Variants in SOX5 observed in about 807,000 individuals in gnomAD.
The protein encoded by SOX5 is transcription factor SOX-5.
SOX5 carries 9 observed loss-of-function variants against 92.0 expected under a neutral mutation model. The observed-to-expected ratio is 0.10, with a 90% confidence interval of 0.06 to 0.17. The LOEUF (loss-of-function observed/expected upper bound fraction) is 0.17. Ranked by LOEUF, SOX5 falls within the 10% of genes least tolerant of loss-of-function variation. The probability of loss-of-function intolerance (pLI) is 1.00; values close to 1 mark genes in which losing one functional copy is unlikely to be tolerated. For missense variants in SOX5, 642 were observed against 944.5 expected, an observed-to-expected ratio of 0.68 and a Z score of 4.20; for synonymous variants, 344 against 336.3, an observed-to-expected ratio of 1.02 and a Z score of -0.25.
At chr12:24,098,171 C>T (rs542804124) in intron 4 of SOX5, among the ~76,000 whole-genome samples, 2 of 152,164 alleles carry the variant, frequency 1.3e-5, no homozygotes, top group South Asian at 2.1e-4. Context: ...ATTGTGAGTA[C>T]TTTATTGCTA....
chr12:24,305,609 T>C (rs1451608401), intron 2 of SOX5, among the ~76,000 whole-genome samples: 4 of 152,194 alleles, frequency 2.6e-5, no homozygotes, highest in Non-Finnish European at 5.9e-5. Flanking sequence ...GTGTGTGGTT[T>C]TTTTTGGAGA....
intron 1 of SOX5, among the ~76,000 whole-genome samples, chr12:24,533,962 T>C (rs1264168289): frequency 6.6e-6 from 1 of 152,300 alleles, no homozygotes; most frequent in East Asian, 1.9e-4. Flanking sequence ...AATGAGTCCA[T>C]TGACATCCTA....
At chr12:23,929,604 A>C (rs540108089) in intron 1 of SOX5, among the ~76,000 whole-genome samples, 3 of 152,076 alleles carry the variant, frequency 2.0e-5, no homozygotes, top group Non-Finnish European at 2.9e-5. Context: ...AAACAACAAC[A>C]ACCTTTCTAA....
intron 8 of SOX5, among the ~76,000 whole-genome samples, chr12:23,618,257 G>C (rs1008374737): frequency 2.6e-5 from 4 of 152,096 alleles, no homozygotes; most frequent in African/African-American, 9.7e-5. Flanking sequence ...TGTTCATCAG[G>C]AGAAAAATTT....
intron 4 of SOX5, among the ~76,000 whole-genome samples, chr12:24,076,095 C>T (rs891749720): frequency 6.6e-6 from 1 of 152,082 alleles, no homozygotes; most frequent in Non-Finnish European, 1.5e-5. Context: ...TGTTTTTTGT[C>T]GTTGGTTTCT....
At chr12:23,738,552 A>G (rs2093685547) in intron 5 of SOX5, 1 of 152,174 alleles carries the variant, frequency 6.6e-6, no homozygotes, top group African/African-American at 2.4e-5. Context: ...TAAAGTTCCA[A>G]GGAGAATGTC....
chr12:24,204,583 C>A (rs1178777962), intron 4 of SOX5, among the ~76,000 whole-genome samples: 2 of 152,160 alleles, frequency 1.3e-5, no homozygotes, highest in Non-Finnish European at 2.9e-5. Context: ...CCTGCCTCAG[C>A]CTCCCAAAGT....
In SOX5 at chr12:23,695,940, C is replaced by CAAAA. The variant is rs71059917; in HGVS notation, c.811-30380_811-30377dup. Among the ~76,000 whole-genome samples the CAAAA allele has an allele frequency of 3.8e-3, 45 of 11,904 alleles. 4 individuals carry two copies. Among genetic ancestry groups the CAAAA allele is most frequent in the African/African-American group, 9.0e-3 (33 of 3,672 alleles). 7.8% of individuals were successfully genotyped at this position (11,904 alleles called of 152,430 possible). A position where few individuals can be genotyped will look rare whatever the true frequency, so the allele number is the denominator to read the frequency against. On this transcript the variant is annotated intron_variant, in intron 6 of 14. Transcript: ENST00000451604. ...TGGGTGACAGAGCGAGACTCTGTCTCAAAAAAAAAAAAAAAAAAAAAAAAA... is the reference window on the plus strand; with the variant it reads ...TGGGTGACAGAGCGAGACTCTGTCTCAAAAAAAAAAAAAAAAAAAAAAAAAAAAA...
chr12:23,912,976 G>A (rs1474927090), intron 1 of SOX5, among the ~76,000 whole-genome samples: 1 of 152,028 alleles, frequency 6.6e-6, no homozygotes, highest in Non-Finnish European at 1.5e-5. Context: ...CATTAAGTGG[G>A]TAAATTTTAT....
intron 8 of SOX5, among the ~76,000 whole-genome samples, chr12:23,629,121 G>C (rs1405550716): frequency 6.6e-6 from 1 of 151,920 alleles, no homozygotes; most frequent in African/African-American, 2.4e-5. Flanking sequence ...TAAATTCCTT[G>C]ATCTTTCAAT....
At chr12:24,542,229 T>G (rs1004073580) in intron 1 of SOX5, among the ~76,000 whole-genome samples, 30 of 152,152 alleles carry the variant, frequency 2.0e-4, no homozygotes, top group Non-Finnish European at 4.0e-4. Context: ...CAGTCCAAGC[T>G]TTAGCCCATT....
At chr12:23,672,235 C>CAA in intron 6 of SOX5, among the ~76,000 whole-genome samples, 1 of 152,072 alleles carries the variant, frequency 6.6e-6, no homozygotes, top group African/African-American at 2.4e-5. Flanking sequence ...CCCTGTATTC[C>CAA]TACCCCTCCT....
At chr12:23,581,149 G>T (rs1455097654) in intron 9 of SOX5, among the ~76,000 whole-genome samples, 2 of 151,876 alleles carry the variant, frequency 1.3e-5, no homozygotes, top group Admixed American at 6.6e-5. Context: ...CAATCCTGGG[G>T]TGTTATTTCT....
intron 2 of SOX5, among the ~76,000 whole-genome samples, chr12:23,874,949 A>T (rs1332205757): frequency 6.6e-6 from 1 of 152,230 alleles, no homozygotes. Flanking sequence ...CTTATAGCTC[A>T]AAAGACCTCA....
intron 1 of SOX5, among the ~76,000 whole-genome samples, chr12:24,427,878 A>C (rs1160155446): frequency 2.0e-5 from 3 of 152,182 alleles, no homozygotes; most frequent in African/African-American, 7.2e-5. Context: ...GGGGCAAATT[A>C]AAAAGGTAGA....
rs572478608 is a variant in SOX5, at chr12:23,559,979, C to T, written c.1488+3279G>A. On this transcript the variant is annotated intron_variant, in intron 11 of 14. Coordinates refer to ENST00000451604, the MANE Select transcript of SOX5 (RefSeq NM_006940.6). ...AGGCTGGAGTACAATGGCGTGATCT[C>T]GGCTCACTGCAACCTCCGCCTCCAG... Among the ~76,000 whole-genome samples, 50 of 152,160 alleles carry T rather than the reference C, an allele frequency of 3.3e-4. 1 individual carries two copies. The South Asian group carries it at 8.5e-3, about 26-fold the overall frequency.
chr12:23,649,339 A>G (rs1398330087), intron 7 of SOX5, among the ~76,000 whole-genome samples: 1 of 152,094 alleles, frequency 6.6e-6, no homozygotes, highest in African/African-American at 2.4e-5. Flanking sequence ...CCATTCCTCA[A>G]TTAACTGTAC....
At chr12:23,994,190 G>A (rs1950832840) in intron 4 of SOX5, among the ~76,000 whole-genome samples, 1 of 151,878 alleles carries the variant, frequency 6.6e-6, no homozygotes, top group South Asian at 2.1e-4. Flanking sequence ...TATCATGAGA[G>A]GGAAATCTGA....
chr12:23,950,864 C>T, upstream of SOX5: 2 of 1,535,284 alleles, frequency 1.3e-6, no homozygotes, highest in Non-Finnish European at 1.7e-6. Flanking sequence ...GAGAGAGACA[C>T]TTACACAGAC....
Sources: allele counts gnomAD v4.1 joint callset (sites outside exome capture counted in the v4.1 genomes callset), GRCh38; gene constraint gnomAD v4.1.1; transcripts MANE v1.5; gene names NCBI Gene and HGNC (gene_info 2026-07-23, HGNC 2026-07-21).